GSDME: variants seen among roughly 807,000 people sequenced by gnomAD.
GSDME encodes the protein gasdermin E, also known as gasdermin-E.
A neutral mutation model predicts 47.5 loss-of-function variants in GSDME; 44 were observed. That is an observed-to-expected ratio of 0.93 (90% confidence interval 0.73 to 1.19). The LOEUF (loss-of-function observed/expected upper bound fraction) is 1.19. Among genes scored for constraint, GSDME ranks in the 50% most tolerant of loss-of-function variants. GSDME has a pLI of 0.00. For synonymous variants in GSDME, 258 were observed against 252.8 expected, an observed-to-expected ratio of 1.02 and a Z score of -0.20; for missense variants, 663 against 604.2, an observed-to-expected ratio of 1.10 and a Z score of -1.02.
At chr7:24,790,339 T>C in the GSDME span, among the ~76,000 whole-genome samples, 1 of 152,252 alleles carries the variant, frequency 6.6e-6, no homozygotes, top group Non-Finnish European at 1.5e-5. This position sits in a 1 kb window ranked among gnomAD's most constrained non-coding sequence, Gnocchi z 4.1. Flanking sequence ...TGTGCCCAAG[T>C]AGCAGGCTCA....
chr7:24,749,053 C>T lies in GSDME; in HGVS notation c.211+511G>A, dbSNP rs528282888. ...AGCATGTCTTACTTTTATACTATAC[C>T]GCAAAATTATTTTTAAAAGGTTAAG... is the stretch of plus-strand genomic sequence containing the variant. On this transcript the variant is annotated intron_variant, in intron 2 of 9. Transcript: ENST00000645220. 3.9e-5 allele frequency among the ~76,000 whole-genome samples: 6 copies of T among 152,156 alleles called. No homozygotes were observed. The East Asian group carries it at 5.8e-4, about 15-fold the overall frequency.
At chr7:24,790,919 T>C in the GSDME span, among the ~76,000 whole-genome samples, 1 of 152,156 alleles carries the variant, frequency 6.6e-6, no homozygotes, top group Admixed American at 6.5e-5. This position sits in a 1 kb window ranked among gnomAD's most constrained non-coding sequence, Gnocchi z 4.1. Flanking sequence ...TTGAGGAAGA[T>C]CAGTTTAAGT....
rs1169843591 is a variant in GSDME at position 24,744,604 on chromosome 7, T to C, written c.362A>G (p.Gln121Arg). 6.2e-7 allele frequency: 1 copy of C among 1,614,204 alleles called. No homozygotes were observed. Among genetic ancestry groups the C allele is most frequent in the South Asian group, 1.1e-5 (1 of 91,080 alleles). ...GATGAGCTGCTGCAAATCCACCTCC[T>C]GCTTCCTCAGGGTTCCAAATGAAGA... is the stretch of plus-strand genomic sequence containing the variant. Reference protein sequence around the residue: ...SQSSFGTLRKQEVDLQQLIRD... With the variant: ...SQSSFGTLRKREVDLQQLIRD... The change falls in exon 3 of 10, where the codon CAG (glutamine) becomes CGG (arginine). Residue 121 changes from glutamine to arginine, a missense_variant. Coordinates refer to ENST00000645220, the MANE Select transcript of GSDME (RefSeq NM_001127453.2). This position sits in a 1 kb window ranked among gnomAD's most constrained non-coding sequence, Gnocchi z 4.5.
Position 24,725,849 on chromosome 7 carries a change from T to A in GSDME, c.405-6631A>T, listed in dbSNP as rs1789948373. On this transcript the variant is annotated intron_variant, in intron 3 of 9. Coordinates refer to ENST00000645220, the MANE Select transcript of GSDME (RefSeq NM_001127453.2). The surrounding 1 kb of genome is among the most constrained non-coding windows in gnomAD (Gnocchi z 5.1). Reference sequence around the variant, plus strand: ...TTTCTTTGGAGGCAGAAATTGGGCATAAGACAATATGAGGGGTGGTCCCCT... The same window carrying A: ...TTTCTTTGGAGGCAGAAATTGGGCAAAAGACAATATGAGGGGTGGTCCCCT... 6.6e-6 allele frequency among the ~76,000 whole-genome samples: 1 copy of A among 152,118 alleles called. No homozygotes were observed.
chr7:24,716,993 T>C lies in GSDME; in HGVS notation c.697+261A>G. The C allele has an allele frequency of 2.0e-6, 1 of 503,870 alleles. No homozygotes were observed. The highest frequency in any genetic ancestry group is 1.9e-5 in the African/African-American group (1 of 51,936). The allele number at this position is 503,870 out of a possible 1,614,324, so 31.2% of individuals were successfully genotyped here. On this transcript the variant is annotated intron_variant, in intron 5 of 9. Transcript: ENST00000645220. The surrounding 1 kb of genome is among the most constrained non-coding windows in gnomAD (Gnocchi z 4.5). ...GCCCAGAGGACACAGCCCAGCCCTC[T>C]ACTGTGCTGGTGGAACTTTGCCCCA... is the stretch of plus-strand genomic sequence containing the variant.
chr7:24,703,709 CAA>C (rs1788975779), intron 8 of GSDME: 1 of 152,368 alleles, frequency 6.6e-6, no homozygotes, highest in Non-Finnish European at 1.5e-5. Flanking sequence ...GGCTCGTTCT[CAA>C]GAGAGAGTGT....
At chr7:24,770,775 C>A in the GSDME span, among the ~76,000 whole-genome samples, 2 of 151,292 alleles carry the variant, frequency 1.3e-5, no homozygotes, top group African/African-American at 2.4e-5. This position sits in a 1 kb window ranked among gnomAD's most constrained non-coding sequence, Gnocchi z 4.6. Context: ...TTGATGGGCT[C>A]ATTCGTAGAC....
At position 24,756,932 on chromosome 7, in the gene GSDME, T is replaced by G. The variant is rs1562719913; in HGVS notation, c.-20+464A>C. On this transcript the variant is annotated intron_variant, in intron 1 of 9. Coordinates refer to ENST00000645220, the MANE Select transcript of GSDME (RefSeq NM_001127453.2). The surrounding 1 kb of genome is among the most constrained non-coding windows in gnomAD (Gnocchi z 4.2). Reference sequence around the variant, plus strand: ...CAGAGAGACTGAACTCCGTATCTGTTCCGCGGTCCGCCTCCCTGCACACAC... The same window carrying G: ...CAGAGAGACTGAACTCCGTATCTGTGCCGCGGTCCGCCTCCCTGCACACAC... 6.6e-6 allele frequency among the ~76,000 whole-genome samples: 1 copy of G among 151,682 alleles called. No homozygotes were observed. Among genetic ancestry groups the G allele is most frequent in the Non-Finnish European group, 1.5e-5 (1 of 67,938 alleles).
chr7:24,753,031 C>A (rs925699367), intron 1 of GSDME, among the ~76,000 whole-genome samples: 1 of 151,826 alleles, frequency 6.6e-6, no homozygotes. Context: ...AGCTAATTTG[C>A]CTTCTTGGCA....
upstream of GSDME, among the ~76,000 whole-genome samples, chr7:24,762,917 G>C (rs1791188908): frequency 6.6e-6 from 1 of 152,286 alleles, no homozygotes; most frequent in Admixed American, 6.5e-5. Context: ...TCAGCTCCAG[G>C]TTGTTGAGGT....
chr7:24,730,611 T>A (rs202035744), intron 3 of GSDME, among the ~76,000 whole-genome samples: 2 of 151,946 alleles, frequency 1.3e-5, no homozygotes, highest in Admixed American at 1.3e-4. Context: ...GGTCAGGAGT[T>A]CAAGACCAGC....
At position 24,745,034 on chromosome 7, in the gene GSDME, T is replaced by C. The variant is rs111736509; in HGVS notation, c.212-280A>G. On this transcript the variant is annotated intron_variant, in intron 2 of 9. Coordinates refer to ENST00000645220, the MANE Select transcript of GSDME (RefSeq NM_001127453.2). This position sits in a 1 kb window ranked among gnomAD's most constrained non-coding sequence, Gnocchi z 4.4. ...GTGTGTGTGTGTGTGTGTGTGTGTG[T>C]GGACCACGGGCACACAGTGGACCAG... is the stretch of plus-strand genomic sequence containing the variant. 1.2e-3 allele frequency among the ~76,000 whole-genome samples: 168 copies of C among 135,736 alleles called. No individual in the cohort carries two copies. Among genetic ancestry groups the C allele is most frequent in the African/African-American group, 4.7e-3 (161 of 34,588 alleles). The allele number at this position is 135,736 out of a possible 152,430, so 89.0% of individuals were successfully genotyped here. A position where few individuals can be genotyped will look rare whatever the true frequency, so the allele number is the denominator to read the frequency against.
rs1252405857 is a variant in GSDME at position 24,736,355 on chromosome 7, A to C, written c.404+8207T>G. On this transcript the variant is annotated intron_variant, in intron 3 of 9. Transcript: ENST00000645220. The surrounding 1 kb of genome is among the most constrained non-coding windows in gnomAD (Gnocchi z 4.6). ...AAGCCCATGCAAATCACAGGCAAAA[A>C]AACAGCAGGAGTAACTATATTTATG... is the stretch of plus-strand genomic sequence containing the variant. 6.6e-6 allele frequency among the ~76,000 whole-genome samples: 1 copy of C among 152,212 alleles called. No individual in the cohort carries two copies. Among genetic ancestry groups the C allele is most frequent in the Admixed American group, 6.5e-5 (1 of 15,282 alleles).
chr7:24,702,539 C>G (rs537829655), intron 9 of GSDME: 1 of 495,758 alleles, frequency 2.0e-6, no homozygotes, highest in African/African-American at 1.9e-5. Context: ...AGTCCTGGAC[C>G]TGCTAACAAG....
intron 5 of GSDME, among the ~76,000 whole-genome samples, chr7:24,711,540 G>A (rs537985510): frequency 7.9e-5 from 12 of 152,184 alleles, no homozygotes; most frequent in Non-Finnish European, 1.3e-4. Flanking sequence ...AATAAAAAGG[G>A]CCGGGCATGG....
chr7:24,708,082 G>GA, intron 7 of GSDME, 45 bp downstream of exon 7: 5 of 1,611,460 alleles, frequency 3.1e-6, no homozygotes, highest in Non-Finnish European at 4.2e-6. Flanking sequence ...CCCTGTTCCA[G>GA]AAAACCCCAG....
chr7:24,784,987 G>A, the GSDME span, among the ~76,000 whole-genome samples: 11 of 152,260 alleles, frequency 7.2e-5, no homozygotes, highest in South Asian at 2.3e-3. Flanking sequence ...GACACAGCCA[G>A]GGACAATACT....
intron 5 of GSDME, chr7:24,710,608 C>A: frequency 1.8e-6 from 1 of 570,392 alleles, no homozygotes; most frequent in Middle Eastern, 4.8e-4. Context: ...GCTGTTCTTA[C>A]ATAAAGCTCC....
chr7:24,790,590 C>T, the GSDME span, among the ~76,000 whole-genome samples: 5 of 152,160 alleles, frequency 3.3e-5, no homozygotes, highest in African/African-American at 4.8e-5. The surrounding 1 kb of genome is among the most constrained non-coding windows in gnomAD (Gnocchi z 4.1). Flanking sequence ...TGTCCAGTCC[C>T]GGTGGGACTC....
Sources: gnomAD v4.1 joint callset for allele counts (sites outside exome capture counted in the v4.1 genomes callset) on GRCh38, gnomAD v4.1.1 for gene constraint, Gnocchi (gnomAD v3.1) non-coding constraint, MANE v1.5 for transcripts, NCBI Gene and HGNC (gene_info 2026-07-23, HGNC 2026-07-21) for gene names.